The following POTEE variants were observed in gnomAD, a reference collection of about 807,000 sequenced individuals.
POTEE encodes the protein ANKRD26-like family C member 1A.
POTEE carries 21 observed loss-of-function variants against 74.2 expected under a neutral mutation model. That is an observed-to-expected ratio of 0.28 (90% CI 0.20 to 0.41). POTEE has a LOEUF of 0.41. Among genes scored for constraint, POTEE ranks in the 10% least tolerant of loss-of-function variants. The probability of loss-of-function intolerance (pLI) is 1.00; values close to 1 mark genes in which losing one functional copy is unlikely to be tolerated. For synonymous variants in POTEE, 211 were observed against 432.8 expected (o/e 0.49, Z 6.36); for missense variants, 525 against 1,158.6 (o/e 0.45, Z 7.94).
chr2:131,211,512 G>T (rs1700356430), intron 2 of POTEE, among the ~76,000 whole-genome samples: 1 of 75,002 alleles, frequency 1.3e-5, no homozygotes. Flanking sequence ...ACAAAATTTA[G>T]GGGGTGACTG....
intron 4 of POTEE, among the ~76,000 whole-genome samples, chr2:131,223,093 C>T (rs1294157846): frequency 6.6e-6 from 1 of 151,666 alleles, no homozygotes; most frequent in Non-Finnish European, 1.5e-5. Flanking sequence ...ATTTAAAACA[C>T]ACCTGAAAGT....
At chr2:131,230,379 AT>A (rs1326641330) in intron 8 of POTEE, among the ~76,000 whole-genome samples, 2 of 152,284 alleles carry the variant, frequency 1.3e-5, no homozygotes, top group East Asian at 3.9e-4. Context: ...TTAGGAACAG[AT>A]TATTCCATTG....
At chr2:131,246,017 G>T (rs56097414) in intron 13 of POTEE, among the ~76,000 whole-genome samples, 15,786 of 84,116 alleles carry the variant, frequency 0.19, 28 homozygotes, top group Admixed American at 0.25. Flanking sequence ...GTCTGTGGCC[G>T]GGGAGTTGTG....
intron 9 of POTEE, among the ~76,000 whole-genome samples, chr2:131,234,089 G>A (rs1701050873): frequency 6.6e-6 from 1 of 150,584 alleles, no homozygotes; most frequent in African/African-American, 2.5e-5. Flanking sequence ...GAAAGTTGAT[G>A]ATAAATGTCC....
chr2:131,217,741 A>AGCACGCC lies in POTEE; in HGVS notation c.-94+79_-94+85dup, dbSNP rs1410993252. On this transcript the variant is annotated intron_variant, in intron 3 of 17. Transcript: ENST00000683005. Reference sequence around the variant, plus strand: ...ACGTGCCCTGACGCCACCTGAGATAAGCACGCCGCACGCCGCACGCCGCAC... The same window carrying AGCACGCC: ...ACGTGCCCTGACGCCACCTGAGATAAGCACGCCGCACGCCGCACGCCGCACGCCGCAC... Among the ~76,000 whole-genome samples the AGCACGCC allele has an allele frequency of 8.5e-4, 127 of 148,568 alleles. 1 individual carries two copies. Among genetic ancestry groups the AGCACGCC allele is most frequent in the African/African-American group, 3.1e-3 (121 of 39,232 alleles).
chr2:131,237,328 C>T (rs1397618548), intron 10 of POTEE, among the ~76,000 whole-genome samples: 1 of 151,892 alleles, frequency 6.6e-6, no homozygotes, highest in Non-Finnish European at 1.5e-5. Context: ...TATTGTCAGT[C>T]ACTGTGATAC....
chr2:131,217,842 G>A (rs1182298554), intron 3 of POTEE, among the ~76,000 whole-genome samples, 159 bp downstream of exon 3: 2 of 150,488 alleles, frequency 1.3e-5, no homozygotes, highest in South Asian at 2.1e-4. Flanking sequence ...CACGCCGCAC[G>A]CGCATAACGG....
intron 9 of POTEE, among the ~76,000 whole-genome samples, chr2:131,231,618 T>C (rs561678608): frequency 0.04 from 6,077 of 152,002 alleles, 429 homozygotes; most frequent in African/African-American, 0.14. Context: ...GAAAGAGATA[T>C]ATTTACTTTG....
intron 6 of POTEE, among the ~76,000 whole-genome samples, chr2:131,225,908 C>T (rs964196511): frequency 3.3e-5 from 5 of 152,130 alleles, no homozygotes; most frequent in South Asian, 2.1e-4. Context: ...AGACCTTTTC[C>T]TTCCTACCAT....
chr2:131,214,877 CTAGCTATGCTGGA>C (rs1250319698), intron 2 of POTEE, among the ~76,000 whole-genome samples: 7 of 147,894 alleles, frequency 4.7e-5, no homozygotes, highest in Admixed American at 4.7e-4. Context: ...GCCATGTCTC[CTAGCTATGCTGGA>C]AGGAGTCAGA....
intron 2 of POTEE, among the ~76,000 whole-genome samples, chr2:131,211,556 T>TGTGTGTGGC (rs1700360104): frequency 5.4e-5 from 2 of 36,982 alleles, no homozygotes; most frequent in Admixed American, 7.6e-4. Context: ...TTTTTTTTTT[T>TGTGTGTGGC]TTTTTTTTTT....
rs1015001729 is a variant in POTEE at position 131,209,574 on chromosome 2, T to A, written c.-590T>A. 5.9e-5 allele frequency among the ~76,000 whole-genome samples: 9 copies of A among 152,226 alleles called. No homozygotes were observed. The highest frequency in any genetic ancestry group is 2.2e-4 in the African/African-American group (9 of 41,462). ...AAGTGTGGGCGTTTGGTAACCGGCA[T>A]GGCTGCTACCTGTTTCTGGCTGGAG... On this transcript the variant is annotated 5_prime_UTR_variant, in exon 1 of 18. The change abolishes an upstream ATG in the 5' untranslated region. Coordinates refer to ENST00000683005, the MANE Select transcript of POTEE (RefSeq NM_001083538.3).
In POTEE at chr2:131,209,571, G is replaced by T. The variant is rs1005851659; in HGVS notation, c.-593G>T. On this transcript the variant is annotated 5_prime_UTR_variant, in exon 1 of 18. Coordinates refer to ENST00000683005, the MANE Select transcript of POTEE (RefSeq NM_001083538.3). ...CTTAAGTGTGGGCGTTTGGTAACCG[G>T]CATGGCTGCTACCTGTTTCTGGCTG... is the stretch of plus-strand genomic sequence containing the variant. 2.6e-5 allele frequency among the ~76,000 whole-genome samples: 4 copies of T among 152,230 alleles called. No individual in the cohort carries two copies.
At chr2:131,233,204 C>T (rs1286544674) in intron 9 of POTEE, among the ~76,000 whole-genome samples, 2 of 152,024 alleles carry the variant, frequency 1.3e-5, no homozygotes, top group African/African-American at 2.4e-5. Context: ...TGGTGTAAAA[C>T]GGGTTAGCAA....
At chr2:131,232,767 C>T (rs533599832) in intron 9 of POTEE, among the ~76,000 whole-genome samples, 4 of 151,830 alleles carry the variant, frequency 2.6e-5, no homozygotes, top group Admixed American at 2.6e-4. Flanking sequence ...GTGCTGTTGA[C>T]AGTGTTTTAT....
intron 7 of POTEE, among the ~76,000 whole-genome samples, chr2:131,227,923 A>T (rs1359570015): frequency 6.7e-6 from 1 of 149,072 alleles, no homozygotes; most frequent in Non-Finnish European, 1.5e-5. Context: ...AGTCTAGGGA[A>T]GCTGTGACAA....
chr2:131,264,131 C>T lies in POTEE; in HGVS notation c.2676C>T (p.Ile892=). Reference sequence around the variant, plus strand: ...AACTGCCTGACTACCTCATGAAGATCCTCACCGAGCGTGGCTATAGGTTCA... The same window carrying T: ...AACTGCCTGACTACCTCATGAAGATTCTCACCGAGCGTGGCTATAGGTTCA... ...GRELPDYLMK[I]LTERGYRFTT... Residue 892 remains isoleucine, a synonymous_variant, in exon 18 of 18, where the codon ATC becomes ATT. Coordinates refer to ENST00000683005, the MANE Select transcript of POTEE (RefSeq NM_001083538.3). 3 of 1,614,276 alleles carry T rather than the reference C, an allele frequency of 1.9e-6. No individual in the cohort carries two copies. Among genetic ancestry groups the T allele is most frequent in the South Asian group, 2.2e-5 (2 of 91,084 alleles).
At chr2:131,218,287 G>T in intron 3 of POTEE, 23 bp from the exon 4 acceptor site, 3 of 1,571,630 alleles carry the variant, frequency 1.9e-6, no homozygotes, top group Non-Finnish European at 1.7e-6. Flanking sequence ...TTTTGGCTGG[G>T]ATTGACATTT....
chr2:131,225,895 A>C (rs564086075), intron 6 of POTEE, among the ~76,000 whole-genome samples: 2 of 152,296 alleles, frequency 1.3e-5, no homozygotes, highest in South Asian at 4.1e-4. Context: ...AGCTTACAGA[A>C]TAAGACCTTT....
Sources: gnomAD v4.1 joint callset for allele counts (sites outside exome capture counted in the v4.1 genomes callset) on GRCh38, gnomAD v4.1.1 for gene constraint, MANE v1.5 for transcripts, NCBI Gene and HGNC (gene_info 2026-07-23, HGNC 2026-07-21) for gene names.